TOE1: variants seen among roughly 807,000 people sequenced by gnomAD.
TOE1 encodes the protein target of EGR1 protein 1.
In TOE1, 50 loss-of-function variants were observed where a neutral mutation model predicts 49.2. That is an observed-to-expected ratio of 1.02 (90% CI 0.81 to 1.29). The LOEUF (loss-of-function observed/expected upper bound fraction) is 1.29. Ranked by LOEUF, TOE1 falls within the 50% of genes most tolerant of loss-of-function variation. TOE1 has a pLI of 0.00. For synonymous variants in TOE1, 221 were observed against 247.0 expected, an observed-to-expected ratio of 0.89 and a Z score of 0.99; for missense variants, 544 against 654.4, an observed-to-expected ratio of 0.83 and a Z score of 1.84.
intron 4 of TOE1, 75 bp from the exon 5 acceptor site, chr1:45,341,874 A>G: frequency 2.0e-6 from 3 of 1,495,420 alleles, no homozygotes; most frequent in Non-Finnish European, 2.8e-6. Context: ...AGTCCATTGT[A>G]TCATTCTTAA....
At position 45,341,233 on chromosome 1, in the gene TOE1, A is replaced by G. The variant is rs1234817371; in HGVS notation, c.195+18A>G. On this transcript the variant is annotated intron_variant, in intron 2 of 7. Transcript: ENST00000372090. ...TGGACACGGTGAGAGTTGGGAAACA[A>G]GGAGGGCAGGTGGTTGTGAAGGGGC... The G allele has an allele frequency of 1.2e-6, 2 of 1,614,102 alleles. No homozygotes were observed. The highest frequency in any genetic ancestry group is 2.2e-5 in the South Asian group (2 of 91,088).
intron 6 of TOE1, 47 bp from the exon 7 acceptor site, chr1:45,342,796 A>G (rs762494549): frequency 1.2e-6 from 2 of 1,612,526 alleles, no homozygotes; most frequent in South Asian, 2.2e-5. Flanking sequence ...CCCTGCTCTT[A>G]TGGAGCTTAT....
At chr1:45,340,604 A>C (rs1022272991) in intron 1 of TOE1, 11 of 1,327,098 alleles carry the variant, frequency 8.3e-6, no homozygotes, top group Non-Finnish European at 1.1e-5. Flanking sequence ...ATCCAAAGGA[A>C]GGTAGGACGT....
intron 5 of TOE1, 98 bp downstream of exon 5, chr1:45,342,205 G>A: frequency 6.6e-7 from 1 of 1,526,170 alleles, no homozygotes; most frequent in South Asian, 1.2e-5. Context: ...GCTTCTTAGG[G>A]AGTATGGGGA....
At position 45,342,546 on chromosome 1, in the gene TOE1, T is replaced by C. The variant is rs1647056328; in HGVS notation, c.655T>C (p.Cys219Arg). 5 of 1,614,152 alleles carry C rather than the reference T, an allele frequency of 3.1e-6. No individual in the cohort carries two copies. In the Admixed American group the frequency reaches 5.0e-5, roughly 16 times the overall value. Residue 219 changes from cysteine (C) to arginine (R), a missense_variant, in exon 6 of 8, where the codon TGT becomes CGT. By Grantham distance (180) the Cys-to-Arg change is radical. Transcript: ENST00000372090. ...TCTGGGAACCTTCACCGCTGACCTG[T>C]GTGAGATGTTCCCAGCAGGCATTTA... is the stretch of plus-strand genomic sequence containing the variant. ...ESLGTFTADL[C>R]EMFPAGIYDT...
rs148620104 is a variant in TOE1 at position 45,341,096 on chromosome 1, T to G, written c.76T>G (p.Ser26Ala). ...AGGTGGTGTCAGCAAAAGCACAACA[T>G]CTGGGGAGGAGCTAGTAGTCCAGGT... is the stretch of plus-strand genomic sequence containing the variant. ...SDGGVSKSTTSGEELVVQVPV... is the reference protein window; with the variant it reads ...SDGGVSKSTTAGEELVVQVPV... Residue 26 changes from serine to alanine, a missense_variant, in exon 2 of 8, where the codon TCT becomes GCT. Transcript: ENST00000372090. 5.4e-3 allele frequency: 8,679 copies of G among 1,614,128 alleles called. 678 individuals carry two copies. The Admixed American group carries it at 0.13, about 25-fold the overall frequency.
rs1299872280 is a variant in TOE1, at chr1:45,340,280, G to GT, written c.31dup (p.Ser11PhefsTer49). On this transcript the variant is annotated frameshift_variant, in exon 1 of 8. Coordinates refer to ENST00000372090, the MANE Select transcript of TOE1 (RefSeq NM_025077.4). LOFTEE classifies it high-confidence loss of function. ...GGCCGCCGACAGTGACGATGGCGCA[G>GT]TTTCAGCTCCCGCAGCTTCCGACGG... The GT allele has an allele frequency of 3.7e-6, 6 of 1,613,566 alleles. No individual in the cohort carries two copies. In the African/African-American group the frequency reaches 6.7e-5, roughly 18 times the overall value.
At chr1:45,340,478 C>G in intron 1 of TOE1, 174 bp downstream of exon 1, 1 of 1,465,154 alleles carries the variant, frequency 6.8e-7, no homozygotes, top group East Asian at 2.5e-5. Flanking sequence ...CTGCAAAAGC[C>G]TGGAGCGTTG....
At chr1:45,341,682 G>T in intron 4 of TOE1, 113 bp downstream of exon 4, 2 of 1,030,546 alleles carry the variant, frequency 1.9e-6, no homozygotes, top group Non-Finnish European at 1.4e-6. Flanking sequence ...TTTTTGACTT[G>T]ATAGTTTTTT....
chr1:45,342,464 T>TG lies in TOE1; in HGVS notation c.575dup (p.Leu193ProfsTer17). The TG allele has an allele frequency of 6.2e-7, 1 of 1,614,148 alleles. No individual in the cohort carries two copies. The highest frequency in any genetic ancestry group is 2.2e-5 in the East Asian group (1 of 44,888). On this transcript the variant is annotated frameshift_variant, in exon 6 of 8. Coordinates refer to ENST00000372090, the MANE Select transcript of TOE1 (RefSeq NM_025077.4). LOFTEE classifies it high-confidence loss of function. ...CCCGCCGGCCCCTGGTGCTACACAA[T>TG]GGCCTTATAGACTTGGTGTTCCTGT...
Position 45,342,546 on chromosome 1 carries a change from T to G in TOE1, c.655T>G (p.Cys219Gly). Reference protein sequence around the residue: ...ESLGTFTADLCEMFPAGIYDT... With the variant: ...ESLGTFTADLGEMFPAGIYDT... ...TCTGGGAACCTTCACCGCTGACCTG[T>G]GTGAGATGTTCCCAGCAGGCATTTA... The change falls in exon 6 of 8, where the codon TGT (cysteine) becomes GGT (glycine). Residue 219 changes from cysteine to glycine, a missense_variant. Physicochemically the swap from Cys to Gly is radical, Grantham distance 159. Coordinates refer to ENST00000372090, the MANE Select transcript of TOE1 (RefSeq NM_025077.4). 6.2e-7 allele frequency: 1 copy of G among 1,614,152 alleles called. No homozygotes were observed.
intron 2 of TOE1, 36 bp from the exon 3 acceptor site, chr1:45,341,267 G>A (rs1471622781): frequency 6.2e-7 from 1 of 1,614,206 alleles, no homozygotes; most frequent in Admixed American, 1.7e-5. Flanking sequence ...GCTGGTGCTA[G>A]AGGCCTGTCA....
chr1:45,343,550 C>T lies in TOE1; in HGVS notation c.1381C>T (p.Gln461Ter). Residue 461 changes from glutamine (Q) to a stop codon, truncating the protein, a stop_gained, in exon 8 of 8, where the codon CAG becomes TAG. Transcript: ENST00000372090. LOFTEE classifies it high-confidence loss of function. This position sits in a 1 kb window ranked among gnomAD's most constrained non-coding sequence, Gnocchi z 4.3. ...MAYVEVSQGP[Q>*]PCSSGPWLPE... ...CTATGTGGAAGTGAGCCAGGGACCGCAGCCCTGCAGCTCTGGACCCTGGCT... is the reference window on the plus strand; with the variant it reads ...CTATGTGGAAGTGAGCCAGGGACCGTAGCCCTGCAGCTCTGGACCCTGGCT... 1 of 1,614,138 alleles carries T rather than the reference C, an allele frequency of 6.2e-7. No individual in the cohort carries two copies. The highest frequency in any genetic ancestry group is 8.5e-7 in the Non-Finnish European group (1 of 1,180,038).
rs751396212 is a variant in TOE1 at position 45,343,291 on chromosome 1, C to T, written c.1122C>T (p.Ser374=). ...CCAAGAAGCAGGTCTGTGGGGATAG[C>T]ATCAAGCCTGAAGAAACCGAGCAGG... is the stretch of plus-strand genomic sequence containing the variant. The part of the protein sequence containing the change: ...GPPKKQVCGD[S]IKPEETEQEV... Residue 374 remains serine (S), a synonymous_variant, in exon 8 of 8, where the codon AGC becomes AGT. Transcript: ENST00000372090. The surrounding 1 kb of genome is among the most constrained non-coding windows in gnomAD (Gnocchi z 4.3). 1 of 1,614,076 alleles carries T rather than the reference C, an allele frequency of 6.2e-7. No individual in the cohort carries two copies. The highest frequency in any genetic ancestry group is 1.1e-5 in the South Asian group (1 of 91,076).
At position 45,343,799 on chromosome 1, in the gene TOE1, G is replaced by T; in HGVS notation, c.*97G>T. The T allele has an allele frequency of 7.0e-7, 1 of 1,420,368 alleles. No homozygotes were observed. Among genetic ancestry groups the T allele is most frequent in the East Asian group, 2.3e-5 (1 of 43,556 alleles). The allele number at this position is 1,420,368 out of a possible 1,614,324, so 88.0% of individuals were successfully genotyped here. On this transcript the variant is annotated 3_prime_UTR_variant, in exon 8 of 8. Transcript: ENST00000372090. This position sits in a 1 kb window ranked among gnomAD's most constrained non-coding sequence, Gnocchi z 4.3. Reference sequence around the variant, plus strand: ...ACTGCTACTGAGTTTAGGGGAGGGGGAATGTCTTGACAGACATCACTGCAT... The same window carrying T: ...ACTGCTACTGAGTTTAGGGGAGGGGTAATGTCTTGACAGACATCACTGCAT...
chr1:45,342,389 T>C lies in TOE1; in HGVS notation c.498T>C (p.Asp166=). The change falls in exon 6 of 8, where the codon GAT becomes GAC. Residue 166 remains aspartate, a synonymous_variant. Coordinates refer to ENST00000372090, the MANE Select transcript of TOE1 (RefSeq NM_025077.4). ...IPYHKGNDKG[D]ESQSQSVRTL... is the part of the protein sequence containing the mutation. ...ACCCCTTTACTTTCATCTAGGGTGA[T>C]GAGAGCCAGAGCCAGTCAGTACGGA... The C allele has an allele frequency of 6.2e-7, 1 of 1,613,912 alleles. No individual in the cohort carries two copies. Among genetic ancestry groups the C allele is most frequent in the East Asian group, 2.2e-5 (1 of 44,882 alleles).
intron 5 of TOE1, 30 bp downstream of exon 5, chr1:45,342,137 C>A: frequency 5.0e-6 from 8 of 1,609,670 alleles, no homozygotes; most frequent in Non-Finnish European, 6.8e-6. Flanking sequence ...AGCCTTGAGT[C>A]TGCCCTTTCT....
intron 1 of TOE1, chr1:45,340,567 G>A: frequency 7.3e-7 from 1 of 1,364,290 alleles, no homozygotes. Flanking sequence ...TTGTGATTCA[G>A]TTCAGTGGAG....
rs747164687 is a variant in TOE1, at chr1:45,341,148, A to G, written c.128A>G (p.Asn43Ser). 3 of 1,614,070 alleles carry G rather than the reference A, an allele frequency of 1.9e-6. No homozygotes were observed. The East Asian group carries it at 6.7e-5, about 36-fold the overall frequency. Residue 43 changes from asparagine (N) to serine (S), a missense_variant, in exon 2 of 8, where the codon AAC becomes AGC. Asn to Ser is a conservative substitution (Grantham distance 46). Coordinates refer to ENST00000372090, the MANE Select transcript of TOE1 (RefSeq NM_025077.4). ...CCCGTAGTGGATGTGCAAAGCAACA[A>G]CTTCAAGGAGATGTGGCCATCCCTC... ...QVPVVDVQSNNFKEMWPSLLL... is the reference protein window; with the variant it reads ...QVPVVDVQSNSFKEMWPSLLL...
Sources: allele counts gnomAD v4.1 joint callset, GRCh38; gene constraint gnomAD v4.1.1; non-coding constraint Gnocchi (gnomAD v3.1); transcripts MANE v1.5; gene names NCBI Gene and HGNC (gene_info 2026-07-23, HGNC 2026-07-21).